The following THEMIS variants were observed in gnomAD, a reference collection of about 807,000 sequenced individuals.
The protein encoded by THEMIS is protein THEMIS.
Under a neutral mutation model 52.6 loss-of-function variants are expected in THEMIS, and 37 were observed. That is an observed-to-expected ratio of 0.70 (90% CI 0.54 to 0.93). The LOEUF is 0.93. Ranked by LOEUF, THEMIS falls within the 40% of genes least tolerant of loss-of-function variation. The probability of loss-of-function intolerance (pLI) is 0.00; values close to 1 mark genes in which losing one functional copy is unlikely to be tolerated. For missense variants in THEMIS, 808 were observed against 763.1 expected (o/e 1.06, Z -0.69); for synonymous variants, 292 against 272.7 (o/e 1.07, Z -0.70).
intron 1 of THEMIS, among the ~76,000 whole-genome samples, chr6:127,907,190 T>A (rs548365882): frequency 6.6e-6 from 1 of 151,974 alleles, no homozygotes; most frequent in African/African-American, 2.4e-5. Flanking sequence ...GAAGAAAAAA[T>A]TAGGCTTATA....
intron 2 of THEMIS, among the ~76,000 whole-genome samples, chr6:127,831,553 A>T (rs2114666613): frequency 6.6e-6 from 1 of 152,254 alleles, no homozygotes; most frequent in Non-Finnish European, 1.5e-5. Context: ...ATATCAAATC[A>T]TTTTTAGCCA....
intron 3 of THEMIS, among the ~76,000 whole-genome samples, 188 bp downstream of exon 3, chr6:127,829,288 A>G (rs541740948): frequency 6.6e-5 from 10 of 152,344 alleles, no homozygotes; most frequent in African/African-American, 2.4e-4. Flanking sequence ...ACATACTTGT[A>G]TATTCATTAT....
At chr6:127,855,500 T>C (rs1263230745) in intron 1 of THEMIS, among the ~76,000 whole-genome samples, 1 of 151,956 alleles carries the variant, frequency 6.6e-6, no homozygotes, top group East Asian at 1.9e-4. Context: ...TACTGAGATT[T>C]ATGATCTGTT....
chr6:127,831,048 G>C (rs553002749), intron 2 of THEMIS, among the ~76,000 whole-genome samples: 2 of 152,160 alleles, frequency 1.3e-5, no homozygotes, highest in South Asian at 4.2e-4. Flanking sequence ...TAGTTGTTCT[G>C]GACTGACTGC....
At chr6:127,767,835 CACA>C (rs930883728) in intron 4 of THEMIS, among the ~76,000 whole-genome samples, 5 of 144,096 alleles carry the variant, frequency 3.5e-5, no homozygotes, top group East Asian at 1.9e-4. Context: ...CCAGCACCAC[CACA>C]ACAAGTGAGT....
At chr6:127,698,103 A>T in the THEMIS span, among the ~76,000 whole-genome samples, 1 of 152,194 alleles carries the variant, frequency 6.6e-6, no homozygotes, top group Non-Finnish European at 1.5e-5. Flanking sequence ...ATTTCTGAGA[A>T]AATTTAAAAA....
chr6:127,793,168 G>C (rs1410259558), intron 4 of THEMIS, among the ~76,000 whole-genome samples: 1 of 152,200 alleles, frequency 6.6e-6, no homozygotes, highest in Non-Finnish European at 1.5e-5. Context: ...AGCATTGTGT[G>C]ATCCTGGAGA....
intron 4 of THEMIS, among the ~76,000 whole-genome samples, chr6:127,782,108 A>AC (rs1776764915): frequency 6.6e-6 from 1 of 151,982 alleles, no homozygotes; most frequent in Non-Finnish European, 1.5e-5. Context: ...TTAGGGGAAA[A>AC]CCGCCTACTC....
intron 3 of THEMIS, among the ~76,000 whole-genome samples, chr6:127,826,297 T>C (rs188268383): frequency 8.3e-4 from 126 of 152,286 alleles, no homozygotes; most frequent in Middle Eastern, 3.4e-3. Context: ...TGATAAACAT[T>C]AAAATTATTT....
intron 5 of THEMIS, among the ~76,000 whole-genome samples, chr6:127,714,800 G>A (rs768813291): frequency 6.6e-6 from 1 of 151,856 alleles, no homozygotes; most frequent in Non-Finnish European, 1.5e-5. Flanking sequence ...GGAGCAGAGA[G>A]CAGAGTAAAA....
intron 1 of THEMIS, among the ~76,000 whole-genome samples, chr6:127,862,976 C>G (rs1006245321): frequency 2.0e-5 from 3 of 152,118 alleles, no homozygotes; most frequent in African/African-American, 7.2e-5. Flanking sequence ...ATCTTGCTTT[C>G]TTTAAGCACC....
At chr6:127,873,359 G>A (rs950672976) in intron 1 of THEMIS, among the ~76,000 whole-genome samples, 1 of 152,132 alleles carries the variant, frequency 6.6e-6, no homozygotes, top group Non-Finnish European at 1.5e-5. Context: ...GAAGACCAAA[G>A]GAGGTAGGAA....
Position 127,886,025 on chromosome 6 carries a change from TC to T in THEMIS, c.91+14816del, listed in dbSNP as rs1197737696. On this transcript the variant is annotated intron_variant, in intron 1 of 5. Transcript: ENST00000368248. ...ATGTGGTTCTCCACCATTTTGTCTC[TC>T]ATATCGTTTCTGATCACTCTCCCCC... Among the ~76,000 whole-genome samples the T allele has an allele frequency of 3.9e-5, 6 of 152,258 alleles. No homozygotes were observed. In the East Asian group the frequency reaches 1.2e-3, roughly 29 times the overall value.
intron 1 of THEMIS, among the ~76,000 whole-genome samples, chr6:127,906,952 A>G (rs1028395434): frequency 6.7e-6 from 1 of 148,952 alleles, no homozygotes; most frequent in Non-Finnish European, 1.5e-5. Context: ...ATGTTAAAAA[A>G]CAAAAAAAAA....
intron 4 of THEMIS, among the ~76,000 whole-genome samples, chr6:127,736,004 T>G (rs898347906): frequency 2.5e-4 from 38 of 152,184 alleles, no homozygotes; most frequent in African/African-American, 9.2e-4. Context: ...GATTTGCTGG[T>G]GGGCACTAAC....
In THEMIS at chr6:127,813,140, A is replaced by T. The variant is rs751979550; in HGVS notation, c.1501T>A (p.Cys501Ser). Reference protein sequence around the residue: ...LISDFANPTECWEIPVGRLNM... With the variant: ...LISDFANPTESWEIPVGRLNM... ...AAGCGGCCCACAGGAATTTCCCAGC[A>T]CTCCGTGGGGTTGGCAAAGTCACTT... Residue 501 changes from cysteine to serine, a missense_variant, in exon 4 of 6, where the codon TGC (cysteine) becomes AGC (serine). Coordinates refer to ENST00000368248, the MANE Select transcript of THEMIS (RefSeq NM_001010923.3). The T allele has an allele frequency of 1.2e-6, 2 of 1,613,884 alleles. No homozygotes were observed. Among genetic ancestry groups the T allele is most frequent in the Non-Finnish European group, 1.7e-6 (2 of 1,179,982 alleles).
At chr6:127,829,186 A>G (rs957178009) in intron 3 of THEMIS, among the ~76,000 whole-genome samples, 1 of 152,236 alleles carries the variant, frequency 6.6e-6, no homozygotes, top group African/African-American at 2.4e-5. Context: ...AGTCATATTT[A>G]ACTGGCAGTA....
At chr6:127,721,658 A>G (rs1328225986) in intron 4 of THEMIS, among the ~76,000 whole-genome samples, 1 of 152,058 alleles carries the variant, frequency 6.6e-6, no homozygotes, top group Non-Finnish European at 1.5e-5. Context: ...CCACAAAAAT[A>G]TAAGCCCATC....
intron 4 of THEMIS, among the ~76,000 whole-genome samples, chr6:127,769,585 C>T (rs922983262): frequency 2.0e-5 from 3 of 152,058 alleles, no homozygotes; most frequent in African/African-American, 7.2e-5. Context: ...AGTTTTATTT[C>T]TGCTCCATTA....
Sources: gnomAD v4.1 joint callset for allele counts (sites outside exome capture counted in the v4.1 genomes callset) on GRCh38, gnomAD v4.1.1 for gene constraint, MANE v1.5 for transcripts, NCBI Gene and HGNC (gene_info 2026-07-23, HGNC 2026-07-21) for gene names.